The following PPIG variants were observed in gnomAD, a reference collection of about 807,000 sequenced individuals.
PPIG encodes peptidyl-prolyl cis-trans isomerase G.
Under a neutral mutation model 87.9 loss-of-function variants are expected in PPIG, and 26 were observed. The ratio of observed to expected loss-of-function variants is 0.30; its 90% confidence interval spans 0.22 to 0.41. The LOEUF is 0.41. PPIG is among the 10% of genes least tolerant of loss of function. PPIG has a pLI of 1.00. For missense variants in PPIG, 722 were observed against 879.4 expected (o/e 0.82, Z 2.26); for synonymous variants, 308 against 276.5 (o/e 1.11, Z -1.13).
At chr2:169,616,299 A>T (rs180991495) in intron 9 of PPIG, among the ~76,000 whole-genome samples, 1 of 152,344 alleles carries the variant, frequency 6.6e-6, no homozygotes, top group African/African-American at 2.4e-5. Context: ...ATAGTGCTGC[A>T]GTAAACATAT....
chr2:169,635,369 T>C (rs1205919833), intron 12 of PPIG, among the ~76,000 whole-genome samples: 2 of 152,202 alleles, frequency 1.3e-5, no homozygotes, highest in Non-Finnish European at 2.9e-5. Flanking sequence ...TTGGTCTGTC[T>C]TCTCATCATT....
Position 169,587,945 on chromosome 2 carries a change from C to G in PPIG, c.-70+3455C>G, listed in dbSNP as rs1684751893. 3.3e-5 allele frequency among the ~76,000 whole-genome samples: 5 copies of G among 152,224 alleles called. No homozygotes were observed. The South Asian group carries it at 1.0e-3, about 32-fold the overall frequency. On this transcript the variant is annotated intron_variant, in intron 1 of 13. Transcript: ENST00000260970. ...CCGAGGCGGGTGGATCACCTGAGGT[C>G]GGGAGTTCCAGACCAGCCTGACCAA... is the stretch of plus-strand genomic sequence containing the variant.
At position 169,640,269 on chromosome 2, in the gene PPIG, A is replaced by T. The variant is rs564360794; in HGVS notation, c.*2746A>T. ...GCACAAATGTGATACTGATGCATGG[A>T]CGGCTTTGCGGAATGACCTTTGATA... On this transcript the variant is annotated 3_prime_UTR_variant, in exon 14 of 14. Transcript: ENST00000260970. 5.9e-5 allele frequency: 9 copies of T among 152,330 alleles called. No homozygotes were observed. Among genetic ancestry groups the T allele is most frequent in the African/African-American group, 2.2e-4 (9 of 41,578 alleles). The allele number at this position is 152,330 out of a possible 1,614,324, so 9.4% of individuals were successfully genotyped here.
At position 169,637,479 on chromosome 2, in the gene PPIG, G is replaced by T; in HGVS notation, c.2221G>T (p.Asp741Tyr). Residue 741 changes from aspartate to tyrosine, a missense_variant, in exon 14 of 14, where the codon GAT becomes TAT. This residue lies in a region of PPIG where 476 missense variants were observed against 483.1 expected (regional missense o/e 0.99). Coordinates refer to ENST00000260970, the MANE Select transcript of PPIG (RefSeq NM_004792.3). ...TGTACATGAAAAAAATAAAAAATTT[G>T]ATCATGAATCAAGCCCTGGAACAGA... The part of the protein sequence containing the change: ...DHVHEKNKKF[D>Y]HESSPGTDED... 6.2e-7 allele frequency: 1 copy of T among 1,603,396 alleles called. No homozygotes were observed. The highest frequency in any genetic ancestry group is 1.1e-5 in the South Asian group (1 of 88,534).
At position 169,630,770 on chromosome 2, in the gene PPIG, A is replaced by T; in HGVS notation, c.548-4A>T. 1 of 1,583,560 alleles carries T rather than the reference A, an allele frequency of 6.3e-7. No individual in the cohort carries two copies. Among genetic ancestry groups the T allele is most frequent in the Admixed American group, 2.0e-5 (1 of 49,964 alleles). On this transcript the variant is annotated splice_polypyrimidine_tract_variant and splice_region_variant and intron_variant, in intron 9 of 13. Coordinates refer to ENST00000260970, the MANE Select transcript of PPIG (RefSeq NM_004792.3). ...TGATCAAAACCTTTTTGTTTTTATT[A>T]AAGTTAAGAAAGAAGAAAAGAAAAG...
rs199680159 is a variant in PPIG, at chr2:169,639,204, A to G, written c.*1681A>G. On this transcript the variant is annotated 3_prime_UTR_variant, in exon 14 of 14. Coordinates refer to ENST00000260970, the MANE Select transcript of PPIG (RefSeq NM_004792.3). ...ATGATAAAAGTAGTAGATGTTTATTATAAAATCCAAGGTGATTGATTCCTT... is the reference window on the plus strand; with the variant it reads ...ATGATAAAAGTAGTAGATGTTTATTGTAAAATCCAAGGTGATTGATTCCTT... The G allele has an allele frequency of 1.3e-5, 2 of 152,024 alleles. No individual in the cohort carries two copies. Among genetic ancestry groups the G allele is most frequent in the East Asian group, 1.9e-4 (1 of 5,202 alleles). 9.4% of individuals were successfully genotyped at this position (152,024 alleles called of 1,614,324 possible).
chr2:169,586,652 T>C (rs1684713142), intron 1 of PPIG, among the ~76,000 whole-genome samples: 1 of 152,218 alleles, frequency 6.6e-6, no homozygotes, highest in South Asian at 2.1e-4. Context: ...CATCCTCTTC[T>C]TTATACAAAG....
chr2:169,607,580 TG>T (rs1363146852), intron 6 of PPIG, among the ~76,000 whole-genome samples: 2 of 152,228 alleles, frequency 1.3e-5, no homozygotes, highest in Non-Finnish European at 2.9e-5. Context: ...GGAATTTTTT[TG>T]TTGATGTGAA....
chr2:169,597,855 C>CTTGT (rs56851989), intron 1 of PPIG, among the ~76,000 whole-genome samples: 6,551 of 150,790 alleles, frequency 0.043, 201 homozygotes, highest in African/African-American at 0.079. Context: ...CTGTACCTTG[C>CTTGT]TTGTTTGTTT....
intron 1 of PPIG, among the ~76,000 whole-genome samples, chr2:169,588,958 CAAAAAAAA>C (rs549776875): frequency 0.016 from 1,118 of 68,484 alleles, 25 homozygotes; most frequent in African/African-American, 0.051. Flanking sequence ...AACTCCCTCT[CAAAAAAAA>C]AAAAAAAAAA....
intron 10 of PPIG, 131 bp from the exon 11 acceptor site, chr2:169,631,635 G>A (rs1686054635): frequency 2.0e-6 from 3 of 1,471,248 alleles, no homozygotes; most frequent in African/African-American, 1.5e-5. Flanking sequence ...TTTCCCATGC[G>A]ATCACATCTT....
intron 12 of PPIG, among the ~76,000 whole-genome samples, chr2:169,634,188 G>C (rs890390952): frequency 6.6e-5 from 10 of 151,982 alleles, no homozygotes; most frequent in Non-Finnish European, 1.3e-4. Flanking sequence ...ACCCTCCCAA[G>C]TAGCTGGGAC....
At chr2:169,621,624 T>A (rs924774470) in intron 9 of PPIG, among the ~76,000 whole-genome samples, 2 of 152,172 alleles carry the variant, frequency 1.3e-5, no homozygotes, top group African/African-American at 4.8e-5. Context: ...AACCTACTGA[T>A]GTTTAAACTT....
At chr2:169,611,221 C>T (rs1407806477) in intron 7 of PPIG, among the ~76,000 whole-genome samples, 1 of 152,032 alleles carries the variant, frequency 6.6e-6, no homozygotes, top group Admixed American at 6.6e-5. Context: ...CTTATAATTA[C>T]CTCTTCATTG....
chr2:169,639,696 A>G lies in PPIG; in HGVS notation c.*2173A>G, dbSNP rs1042258561. 3 of 152,138 alleles carry G rather than the reference A, an allele frequency of 2.0e-5. No individual in the cohort carries two copies. Among genetic ancestry groups the G allele is most frequent in the Non-Finnish European group, 4.4e-5 (3 of 67,978 alleles). 9.4% of individuals were successfully genotyped at this position (152,138 alleles called of 1,614,324 possible). ...TTGAGAGGACAATCAACTAGATTTT[A>G]TTTTTAGAATATAAAGAACATTTTT... On this transcript the variant is annotated 3_prime_UTR_variant, in exon 14 of 14. Transcript: ENST00000260970.
chr2:169,631,048 T>G (rs1686038030), intron 10 of PPIG, 61 bp downstream of exon 10: 1 of 1,416,458 alleles, frequency 7.1e-7, no homozygotes, highest in South Asian at 1.3e-5. Context: ...GTAAATCTGT[T>G]AGGATTTTGG....
At chr2:169,633,631 CT>C (rs1344470361) in intron 12 of PPIG, 1 of 244,020 alleles carries the variant, frequency 4.1e-6, no homozygotes, top group East Asian at 9.4e-5. Context: ...GCTTTCAAAA[CT>C]TTATAGAAAC....
At chr2:169,609,923 T>C (rs570523661) in intron 7 of PPIG, among the ~76,000 whole-genome samples, 87 of 152,360 alleles carry the variant, frequency 5.7e-4, no homozygotes, top group African/African-American at 1.9e-3. Flanking sequence ...CAGTTCTCAC[T>C]ATTCATAGAT....
chr2:169,623,203 G>C (rs1266054171), intron 9 of PPIG, among the ~76,000 whole-genome samples: 1 of 152,152 alleles, frequency 6.6e-6, no homozygotes, highest in African/African-American at 2.4e-5. Context: ...GCTCAGCAAA[G>C]GGCTGTCAAA....
Sources: gnomAD v4.1 joint callset for allele counts (sites outside exome capture counted in the v4.1 genomes callset) on GRCh38, gnomAD v4.1.1 for gene constraint, gnomAD v4.1.1 regional missense constraint, MANE v1.5 for transcripts, NCBI Gene and HGNC (gene_info 2026-07-23, HGNC 2026-07-21) for gene names.